ITGA10: variants seen among roughly 807,000 people sequenced by gnomAD.
ITGA10 encodes the protein integrin subunit alpha 10.
In ITGA10, 105 loss-of-function variants were observed where a neutral mutation model predicts 145.2. The ratio of observed to expected loss-of-function variants is 0.72; its 90% CI spans 0.62 to 0.85. The LOEUF is 0.85. Among genes scored for constraint, ITGA10 ranks in the 40% least tolerant of loss-of-function variants. ITGA10 has a pLI of 0.00. For missense variants in ITGA10, 1,317 were observed against 1,444.5 expected (o/e 0.91, Z 1.43); for synonymous variants, 506 against 557.8 (o/e 0.91, Z 1.31).
chr1:145,897,567 G>C lies in ITGA10; in HGVS notation c.2519C>G (p.Thr840Arg). Residue 840 changes from threonine to arginine, a missense_variant, in exon 20 of 30, where the codon ACG becomes AGG. Transcript: ENST00000369304. ...TCTAGAGAAGATGAGACTCAGGCTC[G>C]TATTGTAAGCATTTTCCTTTCTGTT... Reference protein sequence around the residue: ...LENRKENAYNTSLSLIFSRNL... With the variant: ...LENRKENAYNRSLSLIFSRNL... The C allele has an allele frequency of 6.2e-7, 1 of 1,614,104 alleles. No homozygotes were observed. The highest frequency in any genetic ancestry group is 8.5e-7 in the Non-Finnish European group (1 of 1,180,022).
chr1:145,899,000 GA>G lies in ITGA10; in HGVS notation c.2167del (p.Ser723ProfsTer33). 2 of 1,614,216 alleles carry G rather than the reference GA, an allele frequency of 1.2e-6. No homozygotes were observed. Among genetic ancestry groups the G allele is most frequent in the South Asian group, 2.2e-5 (2 of 91,074 alleles). On this transcript the variant is annotated frameshift_variant, in exon 17 of 30. Coordinates refer to ENST00000369304, the MANE Select transcript of ITGA10 (RefSeq NM_003637.5). LOFTEE classifies it high-confidence loss of function. ...AAFDGSGQRL[S>X]PRRLRLSVGN... ...CACACTGAGCCGGAGCCTCCGAGGG[GA>G]CAACCTCTGGCCAGAGCCATCAAAT...
At position 145,904,727 on chromosome 1, in the gene ITGA10, C is replaced by T. The variant is rs199921055; in HGVS notation, c.566G>A (p.Arg189Gln). 7.4e-6 allele frequency: 12 copies of T among 1,613,826 alleles called. No homozygotes were observed. Among genetic ancestry groups the T allele is most frequent in the East Asian group, 2.2e-5 (1 of 44,884 alleles). ...YPWSEVQTFL[R>Q]RLVGKLFIDP... ...AATAAACAGTTTCCCTACCAGTCTT[C>T]GTAGGAAGGTCTGAACTTCAGACCA... The change falls in exon 6 of 30, where the codon CGA (arginine) becomes CAA (glutamine). Residue 189 changes from arginine (R) to glutamine (Q), a missense_variant. By Grantham distance (43) the Arg-to-Gln change is conservative (BLOSUM62 1). Transcript: ENST00000369304.
Position 145,901,829 on chromosome 1 carries a change from T to TACAGG in ITGA10, c.1294+47_1294+48insCCTGT. On this transcript the variant is annotated intron_variant, in intron 11 of 29. Coordinates refer to ENST00000369304, the MANE Select transcript of ITGA10 (RefSeq NM_003637.5). The surrounding 1 kb of genome is among the most constrained non-coding windows in gnomAD (Gnocchi z 4.3). Reference sequence around the variant, plus strand: ...TTCATACCCGCCCCCACTAGGGATGTATTTCCTCCCCTACCCTGTAAGTCC... The same window carrying TACAGG: ...TTCATACCCGCCCCCACTAGGGATGTACAGGATTTCCTCCCCTACCCTGTAAGTCC... The TACAGG allele has an allele frequency of 6.2e-7, 1 of 1,609,836 alleles. No homozygotes were observed. Among genetic ancestry groups the TACAGG allele is most frequent in the African/African-American group, 1.3e-5 (1 of 74,930 alleles).
At position 145,903,002 on chromosome 1, in the gene ITGA10, G is replaced by GAC. The variant is rs34766827; in HGVS notation, c.759-43_759-42dup. The GAC allele has an allele frequency of 1.4e-3, 1,491 of 1,096,164 alleles. 17 individuals carry two copies. The highest frequency in any genetic ancestry group is 3.8e-3 in the South Asian group (228 of 59,572). The allele number at this position is 1,096,164 out of a possible 1,614,324, so 67.9% of individuals were successfully genotyped here. On this transcript the variant is annotated intron_variant, in intron 7 of 29. Transcript: ENST00000369304. The stretch of plus-strand genomic sequence containing the variant: ...AGTGAGGTGAGATCAGATGTATGCA[G>GAC]ACACACACACACACACACACATACA...
In ITGA10 at chr1:145,898,314, ACT is replaced by A. The variant is rs2101774630; in HGVS notation, c.2233-93_2233-92del. The A allele has an allele frequency of 5.3e-6, 4 of 757,534 alleles. No individual in the cohort carries two copies. The South Asian group carries it at 6.2e-5, about 12-fold the overall frequency. 46.9% of individuals were successfully genotyped at this position (757,534 alleles called of 1,614,324 possible). ...ATGAAGCATTTTCTGTGTGCTGGGC[ACT>A]GTCCTAAGATCTTAACTGTATTACT... On this transcript the variant is annotated intron_variant, in intron 17 of 29. Transcript: ENST00000369304.
At chr1:145,906,292 G>T in intron 5 of ITGA10, 102 bp downstream of exon 5, 1 of 815,282 alleles carries the variant, frequency 1.2e-6, no homozygotes, top group Non-Finnish European at 2.1e-6. Context: ...AATGAGGATA[G>T]CCATGCAGGC....
Position 145,903,026 on chromosome 1 carries a change from C to T in ITGA10, c.759-65G>A, listed in dbSNP as rs1344628383. ...AGACACACACACACACACACACATACACACACACACACACACACACACACA... is the reference window on the plus strand; with the variant it reads ...AGACACACACACACACACACACATATACACACACACACACACACACACACA... On this transcript the variant is annotated intron_variant, in intron 7 of 29. Coordinates refer to ENST00000369304, the MANE Select transcript of ITGA10 (RefSeq NM_003637.5). 6.9e-3 allele frequency: 591 copies of T among 85,508 alleles called. 1 individual carries two copies. Among genetic ancestry groups the T allele is most frequent in the East Asian group, 0.02 (43 of 2,200 alleles). 5.3% of individuals were successfully genotyped at this position (85,508 alleles called of 1,614,324 possible).
At chr1:145,893,309 C>G in intron 28 of ITGA10, 35 bp from the exon 29 acceptor site, 2 of 1,451,500 alleles carry the variant, frequency 1.4e-6, no homozygotes, top group South Asian at 1.1e-5. Context: ...CTACATGCAT[C>G]CTATAACCCA....
Position 145,896,080 on chromosome 1 carries a change from C to G in ITGA10, c.2936G>C (p.Cys979Ser). 1 of 1,614,126 alleles carries G rather than the reference C, an allele frequency of 6.2e-7. No individual in the cohort carries two copies. The highest frequency in any genetic ancestry group is 8.5e-7 in the Non-Finnish European group (1 of 1,179,984). Residue 979 changes from cysteine to serine, a missense_variant, in exon 25 of 30, where the codon TGC (cysteine) becomes TCC (serine). Cys to Ser is a moderately radical substitution (Grantham distance 112, BLOSUM62 -1). Transcript: ENST00000369304. ...GATGATGAGGCCACTGACCACATAG[C>G]AGCCTAGGTTCTGAACCTAAGAGGA... ...KTTLRVQNLG[C>S]YVVSGLIISA... is the part of the protein sequence containing the mutation.
chr1:145,896,094 A>T lies in ITGA10; in HGVS notation c.2922T>A (p.Val974=). The change falls in exon 25 of 30, where the codon GTT becomes GTA. Residue 974 remains valine, a splice_region_variant and synonymous_variant. Coordinates refer to ENST00000369304, the MANE Select transcript of ITGA10 (RefSeq NM_003637.5). The part of the protein sequence containing the change: ...PGPEFKTTLR[V]QNLGCYVVSG... ...TGACCACATAGCAGCCTAGGTTCTG[A>T]ACCTAAGAGGAAGGTTGGGAATAGG... The T allele has an allele frequency of 6.2e-7, 1 of 1,613,782 alleles. No homozygotes were observed. Among genetic ancestry groups the T allele is most frequent in the Non-Finnish European group, 8.5e-7 (1 of 1,179,664 alleles).
chr1:145,909,856 C>T (rs966944696), intron 1 of ITGA10, 107 bp downstream of exon 1: 42 of 934,924 alleles, frequency 4.5e-5, no homozygotes, highest in African/African-American at 2.3e-4. Flanking sequence ...AACCAGTGTT[C>T]GCTTCCTAAC....
chr1:145,895,424 G>A (rs1655246225), intron 26 of ITGA10, 31 bp from the exon 27 acceptor site: 1 of 1,560,682 alleles, frequency 6.4e-7, no homozygotes, highest in South Asian at 1.1e-5. Context: ...AGACAGATCA[G>A]GACTCTGGGG....
chr1:145,895,553 TCCAGTTCCTAC>T, intron 26 of ITGA10, 67 bp downstream of exon 26: 1 of 1,469,314 alleles, frequency 6.8e-7, no homozygotes, highest in Non-Finnish European at 9.5e-7. Context: ...TCTTCCCCAC[TCCAGTTCCTAC>T]CCTCTTGTCC....
chr1:145,904,630 C>T lies in ITGA10; in HGVS notation c.609+54G>A, dbSNP rs1174211490. Reference sequence around the variant, plus strand: ...CCTCAGGGGATCCTCCCACCTCCACCTCTTAAGTAGGTGCCACAAGCAACT... The same window carrying T: ...CCTCAGGGGATCCTCCCACCTCCACTTCTTAAGTAGGTGCCACAAGCAACT... On this transcript the variant is annotated intron_variant, in intron 6 of 29. Transcript: ENST00000369304. 1.7e-5 allele frequency: 28 copies of T among 1,602,148 alleles called. No individual in the cohort carries two copies. The Admixed American group carries it at 2.2e-4, about 12-fold the overall frequency.
chr1:145,900,414 T>G (rs1271188718), intron 14 of ITGA10, among the ~76,000 whole-genome samples: 1 of 152,112 alleles, frequency 6.6e-6, no homozygotes, highest in Non-Finnish European at 1.5e-5. Context: ...ATTATAGGTG[T>G]GCGCCACCAG....
intron 26 of ITGA10, 78 bp from the exon 27 acceptor site, chr1:145,895,471 G>A (rs781974074): frequency 1.5e-4 from 212 of 1,401,250 alleles, no homozygotes; most frequent in Non-Finnish European, 2.1e-4. Context: ...AGTTCACACA[G>A]TCTTGTCCCA....
chr1:145,902,277 G>T lies in ITGA10; in HGVS notation c.1118C>A (p.Ser373Tyr). 1.9e-6 allele frequency: 3 copies of T among 1,614,154 alleles called. No individual in the cohort carries two copies. The highest frequency in any genetic ancestry group is 2.5e-6 in the Non-Finnish European group (3 of 1,180,030). The change falls in exon 10 of 30, where the codon TCT (serine) becomes TAT (tyrosine). Residue 373 changes from serine (S) to tyrosine (Y), a missense_variant. By Grantham distance (144) the Ser-to-Tyr change is moderately radical. Transcript: ENST00000369304. ...CCGATGAGTGGAGAAACCAATCTGAGACATTTCCAGCCCAAAGGAGCTTTC... is the reference window on the plus strand; with the variant it reads ...CCGATGAGTGGAGAAACCAATCTGATACATTTCCAGCCCAAAGGAGCTTTC... ...ENESSFGLEMSQIGFSTHRLK... is the reference protein window; with the variant it reads ...ENESSFGLEMYQIGFSTHRLK...
intron 7 of ITGA10, 59 bp from the exon 8 acceptor site, chr1:145,903,020 C>CACAG: frequency 8.9e-6 from 6 of 677,608 alleles, no homozygotes; most frequent in Non-Finnish European, 1.1e-5. Context: ...CACACACACA[C>CACAG]ACATACACAC....
At chr1:145,894,266 C>T (rs138050951) in intron 27 of ITGA10, among the ~76,000 whole-genome samples, 4,376 of 151,692 alleles carry the variant, frequency 0.029, 233 homozygotes, top group African/African-American at 0.099. Flanking sequence ...CGCCTGCCAC[C>T]ACACCTGGCT....
Sources: allele counts gnomAD v4.1 joint callset (sites outside exome capture counted in the v4.1 genomes callset), GRCh38; gene constraint gnomAD v4.1.1; non-coding constraint Gnocchi (gnomAD v3.1); transcripts MANE v1.5; gene names NCBI Gene and HGNC (gene_info 2026-07-23, HGNC 2026-07-21).